Variants in BTD observed in about 807,000 individuals in gnomAD.
BTD encodes biotinidase.
Under a neutral mutation model 17.7 loss-of-function variants are expected in BTD, and 13 were observed. The ratio of observed to expected loss-of-function variants is 0.74; its 90% CI spans 0.48 to 1.17. The LOEUF is 1.17. BTD is among the 50% of genes most tolerant of loss of function. BTD has a pLI of 0.00. For missense variants in BTD, 674 were observed against 650.4 expected, an observed-to-expected ratio of 1.04 and a Z score of -0.39; for synonymous variants, 240 against 245.2, an observed-to-expected ratio of 0.98 and a Z score of 0.20.
At chr3:15,605,522 T>C (rs988596087) in intron 1 of BTD, among the ~76,000 whole-genome samples, 1 of 152,154 alleles carries the variant, frequency 6.6e-6, no homozygotes, top group Non-Finnish European at 1.5e-5. Flanking sequence ...AGTCTCAGAG[T>C]GTATCTAAAA....
rs1163419871 is a variant in BTD at position 15,645,418 on chromosome 3, TG to T, written c.1503del (p.Arg502GlyfsTer10). 1 of 1,614,048 alleles carries T rather than the reference TG, an allele frequency of 6.2e-7. No homozygotes were observed. Among genetic ancestry groups the T allele is most frequent in the South Asian group, 1.1e-5 (1 of 91,076 alleles). On this transcript the variant is annotated frameshift_variant, in exon 4 of 4. Coordinates refer to ENST00000643237, the MANE Select transcript of BTD (RefSeq NM_001370658.1). LOFTEE classifies it high-confidence loss of function. The stretch of plus-strand genomic sequence containing the variant: ...GGCTGGGAGAATGACCACTATTTCC[TG>T]AGGAAAAGTAGGCTGTCCTCTGGGC... Reference protein sequence around the residue: ...QLGWENDHYFLRKSRLSSGLV... With the variant: ...QLGWENDHYFXRKSRLSSGLV...
chr3:15,681,426 C>A (rs879323858), intron 3 of BTD, among the ~76,000 whole-genome samples: 1 of 152,110 alleles, frequency 6.6e-6, no homozygotes, highest in Non-Finnish European at 1.5e-5. Flanking sequence ...ATCCAAATTT[C>A]AAATTTTCTT....
chr3:15,663,738 T>G (rs1314481415), intron 3 of BTD, among the ~76,000 whole-genome samples: 2 of 152,138 alleles, frequency 1.3e-5, no homozygotes, highest in Admixed American at 6.5e-5. Context: ...TTTACTGATG[T>G]TATTAATCTT....
At chr3:15,672,205 T>G (rs2066442242) in intron 3 of BTD, among the ~76,000 whole-genome samples, 1 of 151,050 alleles carries the variant, frequency 6.6e-6, no homozygotes, top group Admixed American at 6.6e-5. Flanking sequence ...GAGTGCAGTA[T>G]AATGATCATG....
At chr3:15,693,799 T>C (rs2069144548) in intron 3 of BTD, among the ~76,000 whole-genome samples, 1 of 152,142 alleles carries the variant, frequency 6.6e-6, no homozygotes, top group South Asian at 2.1e-4. Flanking sequence ...CTTAGTTATT[T>C]AGAACATGAT....
intron 3 of BTD, chr3:15,679,633 A>G (rs2067311836): frequency 4.1e-6 from 5 of 1,207,068 alleles, no homozygotes; most frequent in Non-Finnish European, 5.9e-6. Context: ...GGTACATGTA[A>G]GTGTTTAAAG....
intron 1 of BTD, among the ~76,000 whole-genome samples, chr3:15,605,957 C>T (rs376729484): frequency 4.2e-4 from 61 of 143,740 alleles, no homozygotes; most frequent in African/African-American, 1.5e-3. Context: ...GTGGGAGAAT[C>T]GTGTGAGCCA....
chr3:15,639,951 A>T lies in BTD; in HGVS notation c.250-1957A>T, dbSNP rs571189973. Among the ~76,000 whole-genome samples the T allele has an allele frequency of 3.3e-5, 5 of 152,248 alleles. No individual in the cohort carries two copies. The South Asian group carries it at 1.0e-3, about 32-fold the overall frequency. Reference sequence around the variant, plus strand: ...AAACCCCATCTCCACTAAAAATACAAAATTTAGCCAGGTGTGGTGGCGCAT... The same window carrying T: ...AAACCCCATCTCCACTAAAAATACATAATTTAGCCAGGTGTGGTGGCGCAT... On this transcript the variant is annotated intron_variant, in intron 2 of 3. Transcript: ENST00000643237.
chr3:15,697,717 C>G (rs1575212561), intron 3 of BTD, among the ~76,000 whole-genome samples: 1 of 152,058 alleles, frequency 6.6e-6, no homozygotes, highest in South Asian at 2.1e-4. Context: ...ATTCTCAAGG[C>G]TTTGGTATCA....
downstream of BTD, among the ~76,000 whole-genome samples, chr3:15,717,727 C>T (rs1014675680): frequency 1.8e-4 from 27 of 152,036 alleles, no homozygotes; most frequent in Admixed American, 1.7e-3. Flanking sequence ...GGTGGGAAAA[C>T]GTGTGCATAT....
In BTD at chr3:15,634,672, T is replaced by A. The variant is rs917492733; in HGVS notation, c.-16-752T>A. On this transcript the variant is annotated intron_variant, in intron 1 of 3. Transcript: ENST00000643237. ...AAAAAGGATTTTATTTCCAAATGAG[T>A]AGGCTTTTGAGCAAGAGTTTTGGAG... 1.7e-4 allele frequency among the ~76,000 whole-genome samples: 26 copies of A among 152,160 alleles called. 1 individual carries two copies. The highest frequency in any genetic ancestry group is 1.5e-5 in the Non-Finnish European group (1 of 68,026).
intron 3 of BTD, among the ~76,000 whole-genome samples, chr3:15,699,394 G>A (rs2070200447): frequency 6.6e-6 from 1 of 152,086 alleles, no homozygotes; most frequent in Non-Finnish European, 1.5e-5. Flanking sequence ...AGACAAATGG[G>A]ATCTAATTAA....
At chr3:15,703,820 TA>T (rs2070969343) in intron 3 of BTD, among the ~76,000 whole-genome samples, 3 of 152,126 alleles carry the variant, frequency 2.0e-5, no homozygotes. Context: ...TAACAACCCA[TA>T]AAATATTTTA....
At chr3:15,624,334 C>T (rs1227777288) in intron 1 of BTD, among the ~76,000 whole-genome samples, 1 of 152,056 alleles carries the variant, frequency 6.6e-6, no homozygotes, top group Non-Finnish European at 1.5e-5. Context: ...ATTCTTTCTC[C>T]TTCTGGTATT....
At chr3:15,663,463 GCTTT>G (rs1268443457) in intron 3 of BTD, among the ~76,000 whole-genome samples, 6 of 152,300 alleles carry the variant, frequency 3.9e-5, no homozygotes, top group South Asian at 2.1e-4. Flanking sequence ...TGGGTCTGGT[GCTTT>G]CTGTTTTGGA....
intron 1 of BTD, among the ~76,000 whole-genome samples, chr3:15,621,641 C>T (rs1324667987): frequency 6.6e-6 from 1 of 151,802 alleles, no homozygotes; most frequent in Non-Finnish European, 1.5e-5. Context: ...CTCTTGTTGC[C>T]CAGGCTGGAG....
rs972091977 is a variant in BTD, at chr3:15,689,925, T to G, written c.400-20135T>G. 10 of 1,230,362 alleles carry G rather than the reference T, an allele frequency of 8.1e-6. No homozygotes were observed. The Admixed American group carries it at 1.4e-4, about 17-fold the overall frequency. The allele number at this position is 1,230,362 out of a possible 1,614,324, so 76.2% of individuals were successfully genotyped here. ...TTTGAAAAAAAAAAAGGTCAAAATT[T>G]TAAAGACAATTAACTGGAAATATTA... is the stretch of plus-strand genomic sequence containing the variant. On this transcript the variant is annotated intron_variant, in intron 3 of 3. Coordinates refer to the BTD transcript ENST00000672141.
chr3:15,608,776 A>AG (rs2064532351), intron 1 of BTD, among the ~76,000 whole-genome samples: 1 of 152,128 alleles, frequency 6.6e-6, no homozygotes, highest in South Asian at 2.1e-4. Flanking sequence ...AAAAAAAAAA[A>AG]AAAAAGAAAT....
At chr3:15,717,764 T>A (rs184499188), downstream of BTD, among the ~76,000 whole-genome samples, 565 of 152,300 alleles carry the variant, frequency 3.7e-3, 6 homozygotes, top group Non-Finnish European at 4.5e-3. Context: ...GCAGTAAGGC[T>A]CATGTCAAGC....
Sources: allele counts gnomAD v4.1 joint callset (sites outside exome capture counted in the v4.1 genomes callset), GRCh38; gene constraint gnomAD v4.1.1; transcripts MANE v1.5; gene names NCBI Gene and HGNC (gene_info 2026-07-23, HGNC 2026-07-21).